Variants in SUPT3H observed in about 807,000 individuals in gnomAD.
SUPT3H encodes the protein SPT3 homolog, SAGA and STAGA complex component.
Under a neutral mutation model 44.3 loss-of-function variants are expected in SUPT3H, and 44 were observed. The observed-to-expected ratio is 0.99, with a 90% CI of 0.78 to 1.28. SUPT3H has a LOEUF of 1.28. SUPT3H is among the 50% of genes most tolerant of loss of function. The pLI is 0.00. For synonymous variants in SUPT3H, 124 were observed against 125.6 expected (o/e 0.99, Z 0.09); for missense variants, 380 against 387.1 (o/e 0.98, Z 0.15).
intron 2 of SUPT3H, among the ~76,000 whole-genome samples, chr6:45,161,418 G>A (rs910694998): frequency 1.3e-5 from 2 of 152,094 alleles, no homozygotes; most frequent in African/African-American, 4.8e-5. Context: ...TCTACGTAGG[G>A]CAATACTTTT....
chr6:44,976,906 T>C (rs915981375), intron 6 of SUPT3H, among the ~76,000 whole-genome samples: 3 of 152,204 alleles, frequency 2.0e-5, no homozygotes, highest in Non-Finnish European at 4.4e-5. Flanking sequence ...TCTGCAATCA[T>C]AAGTGCAAAA....
In SUPT3H at chr6:45,194,307, G is replaced by GA. The variant is rs1023051816; in HGVS notation, c.102-88302dup. Among the ~76,000 whole-genome samples the GA allele has an allele frequency of 2.2e-4, 33 of 151,016 alleles. No homozygotes were observed. In the South Asian group the frequency reaches 2.9e-3, roughly 13 times the overall value. ...ATGCTATATAGAATCTGGTTGAGAAGAAAAAAAAATCAACTCAAAATGATA... is the reference window on the plus strand; with the variant it reads ...ATGCTATATAGAATCTGGTTGAGAAGAAAAAAAAAATCAACTCAAAATGATA... On this transcript the variant is annotated intron_variant, in intron 2 of 10. Transcript: ENST00000371459.
At chr6:45,031,715 C>G (rs1786968176) in intron 3 of SUPT3H, among the ~76,000 whole-genome samples, 1 of 152,060 alleles carries the variant, frequency 6.6e-6, no homozygotes, top group Non-Finnish European at 1.5e-5. Context: ...TAATTAAGCA[C>G]TTACATCAAT....
chr6:45,047,951 T>A (rs1240998606), intron 3 of SUPT3H, among the ~76,000 whole-genome samples: 6 of 152,150 alleles, frequency 3.9e-5, no homozygotes, highest in African/African-American at 1.4e-4. Flanking sequence ...TGTCCTAATA[T>A]CAAATCTTTA....
chr6:44,891,260 T>C (rs1763266891), intron 10 of SUPT3H, among the ~76,000 whole-genome samples: 1 of 152,208 alleles, frequency 6.6e-6, no homozygotes, highest in Non-Finnish European at 1.5e-5. Context: ...ACAGAAATTC[T>C]ACTTCTAGGT....
At chr6:45,113,211 C>T (rs540176032) in intron 2 of SUPT3H, among the ~76,000 whole-genome samples, 1 of 151,840 alleles carries the variant, frequency 6.6e-6, no homozygotes, top group Non-Finnish European at 1.5e-5. Context: ...GAATACCAGG[C>T]TACAGCCCTA....
At chr6:45,099,569 C>T (rs1004031653) in intron 3 of SUPT3H, among the ~76,000 whole-genome samples, 1 of 152,084 alleles carries the variant, frequency 6.6e-6, no homozygotes. Flanking sequence ...TTAAAACCCT[C>T]ATCTCACTCT....
chr6:45,253,334 A>G, intron 2 of SUPT3H, among the ~76,000 whole-genome samples: 1 of 152,174 alleles, frequency 6.6e-6, no homozygotes, highest in East Asian at 1.9e-4. Flanking sequence ...GGCATCAAAA[A>G]CCTATTTTTG....
chr6:45,116,101 T>C (rs1800802302), intron 2 of SUPT3H, among the ~76,000 whole-genome samples: 1 of 152,268 alleles, frequency 6.6e-6, no homozygotes, highest in Non-Finnish European at 1.5e-5. Flanking sequence ...TCCTTTATGA[T>C]AAGAAGAAAT....
intron 10 of SUPT3H, among the ~76,000 whole-genome samples, chr6:44,882,793 C>T (rs34982599): frequency 0.34 from 51,640 of 151,986 alleles, 9,606 homozygotes; most frequent in Admixed American, 0.42. Flanking sequence ...ACCAAATGAT[C>T]ATCTCAATAG....
At chr6:44,854,136 T>C (rs1009703660) in intron 10 of SUPT3H, among the ~76,000 whole-genome samples, 1 of 152,078 alleles carries the variant, frequency 6.6e-6, no homozygotes, top group East Asian at 1.9e-4. Context: ...GAAAAGTTAA[T>C]CCATGCTTGG....
chr6:44,828,825 C>T lies in SUPT3H; in HGVS notation c.*991G>A, dbSNP rs1020474113. 4.6e-5 allele frequency: 7 copies of T among 152,514 alleles called. No homozygotes were observed. Among genetic ancestry groups the T allele is most frequent in the Admixed American group, 4.6e-4 (7 of 15,270 alleles). The allele number at this position is 152,514 out of a possible 1,614,324, so 9.4% of individuals were successfully genotyped here. On this transcript the variant is annotated 3_prime_UTR_variant, in exon 11 of 11. Transcript: ENST00000371459. ...TAAAAGTAAAATTATACAAAACTCC[C>T]ACAGAATTAAAGAAATAACTTTCTT...
chr6:45,283,109 C>T (rs1343586816), intron 2 of SUPT3H, among the ~76,000 whole-genome samples: 3 of 152,160 alleles, frequency 2.0e-5, no homozygotes, highest in Admixed American at 6.6e-5. Context: ...AAGGAACAAC[C>T]AGTACCAGCC....
At chr6:45,037,585 A>G (rs1314336165) in intron 3 of SUPT3H, among the ~76,000 whole-genome samples, 1 of 151,772 alleles carries the variant, frequency 6.6e-6, no homozygotes, top group Non-Finnish European at 1.5e-5. Flanking sequence ...AACTGTTTGA[A>G]CCCGGGAAGT....
At position 45,095,407 on chromosome 6, in the gene SUPT3H, C is replaced by T. The variant is rs188628387; in HGVS notation, c.186+10515G>A. On this transcript the variant is annotated intron_variant, in intron 3 of 10. Coordinates refer to ENST00000371459, the MANE Select transcript of SUPT3H (RefSeq NM_003599.4). This position sits in a 1 kb window ranked among gnomAD's most constrained non-coding sequence, Gnocchi z 4.1. The stretch of plus-strand genomic sequence containing the variant: ...CAGAGCTTTGCATGAACTGCTTCTA[C>T]CAGGGAAATTAAAAAGCATTACAGG... Among the ~76,000 whole-genome samples the T allele has an allele frequency of 1.4e-3, 219 of 152,134 alleles. 3 individuals carry two copies. The highest frequency in any genetic ancestry group is 0.014 in the Admixed American group (217 of 15,278).
intron 6 of SUPT3H, among the ~76,000 whole-genome samples, chr6:44,971,281 C>T (rs902349358): frequency 6.6e-6 from 1 of 152,146 alleles, no homozygotes; most frequent in Admixed American, 6.5e-5. Context: ...CTAGTCCAAG[C>T]CACCATCATC....
chr6:45,089,413 C>A (rs1386652687), intron 3 of SUPT3H, among the ~76,000 whole-genome samples: 1 of 152,026 alleles, frequency 6.6e-6, no homozygotes. Flanking sequence ...TGTAACCAGG[C>A]CTCTTTGTAG....
rs1369041997 is a variant in SUPT3H, at chr6:44,964,706, T to G, written c.505-2878A>C. ...AGCATCGAAGCAGTAAACTTTGATC[T>G]GAGGAGCCCCACAAATCTGACCCTA... On this transcript the variant is annotated intron_variant, in intron 6 of 10. Transcript: ENST00000371459. Among the ~76,000 whole-genome samples the G allele has an allele frequency of 3.9e-5, 6 of 152,294 alleles. No homozygotes were observed. The East Asian group carries it at 7.7e-4, about 20-fold the overall frequency.
At chr6:44,829,901 C>A in intron 10 of SUPT3H, 44 bp from the exon 11 acceptor site, 1 of 1,602,254 alleles carries the variant, frequency 6.2e-7, no homozygotes, top group South Asian at 1.1e-5. Context: ...CACATGAAGT[C>A]AAACAAGGAA....
Sources: allele counts gnomAD v4.1 joint callset (sites outside exome capture counted in the v4.1 genomes callset), GRCh38; gene constraint gnomAD v4.1.1; non-coding constraint Gnocchi (gnomAD v3.1); transcripts MANE v1.5; gene names NCBI Gene and HGNC (gene_info 2026-07-23, HGNC 2026-07-21).